The following GNPTAB variants were observed in gnomAD, a reference collection of about 807,000 sequenced individuals.
The protein encoded by GNPTAB is N-acetylglucosamine-1-phosphotransferase subunits alpha/beta.
In GNPTAB, 92 loss-of-function variants were observed where a neutral mutation model predicts 136.6. The observed-to-expected ratio is 0.67, with a 90% confidence interval of 0.57 to 0.80. The LOEUF (loss-of-function observed/expected upper bound fraction) is 0.80. Among genes scored for constraint, GNPTAB ranks in the 30% least tolerant of loss-of-function variants. GNPTAB has a pLI of 0.00. For missense variants in GNPTAB, 1,343 were observed against 1,501.8 expected, an observed-to-expected ratio of 0.89 and a Z score of 1.75; for synonymous variants, 512 against 535.1, an observed-to-expected ratio of 0.96 and a Z score of 0.60.
chr12:101,798,476 C>T (rs990680376), intron 1 of GNPTAB, among the ~76,000 whole-genome samples: 1 of 152,166 alleles, frequency 6.6e-6, no homozygotes, highest in African/African-American at 2.4e-5. Flanking sequence ...TTTAAGGAGA[C>T]ATCATGGAAG....
chr12:101,786,291 C>T (rs1048279580), intron 4 of GNPTAB, 74 bp from the exon 5 acceptor site: 1 of 1,218,560 alleles, frequency 8.2e-7, no homozygotes, highest in Admixed American at 2.1e-5. Flanking sequence ...TGTCATACTA[C>T]TAAATTTTTC....
intron 20 of GNPTAB, 27 bp downstream of exon 20, chr12:101,749,074 T>A (rs757586775): frequency 8.2e-7 from 1 of 1,218,582 alleles, no homozygotes; most frequent in East Asian, 2.3e-5. Flanking sequence ...TACCATTTAA[T>A]ACCCACATAA....
intron 1 of GNPTAB, among the ~76,000 whole-genome samples, chr12:101,825,239 TGACAGCATTTTCCACTGTATATTCTGAC>T (rs1242199001): frequency 6.6e-6 from 1 of 152,256 alleles, no homozygotes; most frequent in Non-Finnish European, 1.5e-5. Flanking sequence ...TTTGTATCTC[TGACAGCATTTTCCACTGTATATTCTGAC>T]GACAGCATCT....
intron 16 of GNPTAB, among the ~76,000 whole-genome samples, chr12:101,758,821 T>C (rs1397463111): frequency 2.0e-5 from 3 of 152,200 alleles, no homozygotes; most frequent in Non-Finnish European, 2.9e-5. Context: ...GCTTGAAGAT[T>C]TGCAAGATCG....
intron 5 of GNPTAB, among the ~76,000 whole-genome samples, chr12:101,781,508 A>T (rs1953343687): frequency 1.3e-5 from 2 of 152,092 alleles, no homozygotes; most frequent in South Asian, 2.1e-4. Context: ...TCTACAAAAA[A>T]CAAACAAACA....
At chr12:101,795,850 A>T (rs1869252197) in intron 2 of GNPTAB, 1 of 170,236 alleles carries the variant, frequency 5.9e-6, no homozygotes, top group Non-Finnish European at 1.2e-5. Context: ...TAGTGAGAAG[A>T]CAGAAACAAA....
intron 11 of GNPTAB, chr12:101,767,807 G>A (rs556280827): frequency 1.6e-6 from 1 of 623,980 alleles, no homozygotes; most frequent in African/African-American, 1.8e-5. Context: ...TGATAGAGAT[G>A]GGGTCTTACT....
At chr12:101,748,244 C>A (rs1374594617) in intron 20 of GNPTAB, among the ~76,000 whole-genome samples, 2 of 152,194 alleles carry the variant, frequency 1.3e-5, no homozygotes, top group African/African-American at 4.8e-5. Context: ...CCATTTACAG[C>A]AAGAAGCCCA....
At chr12:101,787,913 C>A (rs1301954879) in intron 4 of GNPTAB, among the ~76,000 whole-genome samples, 539 of 126,694 alleles carry the variant, frequency 4.3e-3, no homozygotes, top group Non-Finnish European at 4.2e-3. Flanking sequence ...AACTCCGTCT[C>A]AAAAAAAAAA....
chr12:101,812,498 G>GT (rs1414646781), intron 1 of GNPTAB, among the ~76,000 whole-genome samples: 4 of 152,176 alleles, frequency 2.6e-5, no homozygotes, highest in African/African-American at 9.7e-5. Flanking sequence ...GCTCATACAT[G>GT]TAATCCCAGC....
chr12:101,783,660 A>T (rs1209695056), intron 5 of GNPTAB, among the ~76,000 whole-genome samples: 3 of 152,122 alleles, frequency 2.0e-5, no homozygotes, highest in Admixed American at 6.5e-5. Flanking sequence ...GGATCTATAG[A>T]GTGAAGGGGC....
At position 101,799,048 on chromosome 12, in the gene GNPTAB, T is replaced by C. The variant is rs1869463389; in HGVS notation, c.118-2286A>G. On this transcript the variant is annotated intron_variant, in intron 1 of 20. Transcript: ENST00000299314. ...AAGAATTTAGCTAAGAATCATTGTT[T>C]TTTAAAAAAAAAGGCAATGAAAAAT... Among the ~76,000 whole-genome samples, 3 of 120,544 alleles carry C rather than the reference T, an allele frequency of 2.5e-5. No homozygotes were observed. In the Admixed American group the frequency reaches 2.7e-4, roughly 11 times the overall value. 79.1% of individuals were successfully genotyped at this position (120,544 alleles called of 152,430 possible).
chr12:101,788,989 G>A (rs1868829382), intron 3 of GNPTAB, among the ~76,000 whole-genome samples: 1 of 152,126 alleles, frequency 6.6e-6, no homozygotes, highest in Admixed American at 6.5e-5. Context: ...AAGTACCAAA[G>A]TTTCTAATTC....
At chr12:101,777,776 G>A (rs750286768) in intron 7 of GNPTAB, among the ~76,000 whole-genome samples, 2 of 152,182 alleles carry the variant, frequency 1.3e-5, no homozygotes, top group Non-Finnish European at 2.9e-5. Context: ...CCTAAGGAAA[G>A]CAAGTCACTC....
intron 2 of GNPTAB, chr12:101,796,113 T>C (rs10860788): frequency 0.038 from 24,850 of 646,928 alleles, 2,742 homozygotes; most frequent in East Asian, 0.32. Flanking sequence ...ACCAATGGAG[T>C]GGGGTTCAGC....
intron 6 of GNPTAB, 90 bp from the exon 7 acceptor site, chr12:101,780,376 TCACAA>T: frequency 7.4e-7 from 1 of 1,357,724 alleles, no homozygotes; most frequent in East Asian, 2.3e-5. Flanking sequence ...ATCTATTGCA[TCACAA>T]CACAAGCTTC....
At chr12:101,810,229 G>A (rs1046013483) in intron 1 of GNPTAB, among the ~76,000 whole-genome samples, 22 of 152,144 alleles carry the variant, frequency 1.4e-4, no homozygotes, top group Middle Eastern at 3.4e-3. Flanking sequence ...CTGGGCAACA[G>A]AGCAAGACCC....
At chr12:101,796,793 G>A (rs779706257) in intron 1 of GNPTAB, 31 bp from the exon 2 acceptor site, 14 of 1,367,252 alleles carry the variant, frequency 1.0e-5, no homozygotes, top group South Asian at 4.7e-5. Flanking sequence ...CGTTTTCTTC[G>A]CATCAAAGAC....
intron 2 of GNPTAB, among the ~76,000 whole-genome samples, chr12:101,793,898 A>G (rs1235748458): frequency 6.6e-6 from 1 of 152,190 alleles, no homozygotes; most frequent in Non-Finnish European, 1.5e-5. Context: ...GCTGGAGTGC[A>G]GTGGTGCCAT....
Sources: allele counts gnomAD v4.1 joint callset (sites outside exome capture counted in the v4.1 genomes callset), GRCh38; gene constraint gnomAD v4.1.1; transcripts MANE v1.5; gene names NCBI Gene and HGNC (gene_info 2026-07-23, HGNC 2026-07-21).